Variants in SLC9A9 observed in about 807,000 individuals in gnomAD.
SLC9A9 encodes sodium/hydrogen exchanger 9.
A neutral mutation model predicts 77.8 loss-of-function variants in SLC9A9; 62 were observed. The ratio of observed to expected loss-of-function variants is 0.80; its 90% CI spans 0.65 to 0.98. The LOEUF is 0.98. Among genes scored for constraint, SLC9A9 ranks in the 50% least tolerant of loss-of-function variants. SLC9A9 has a pLI of 0.00. For missense variants in SLC9A9, 775 were observed against 774.9 expected (o/e 1.00, Z 0.00); for synonymous variants, 320 against 283.5 (o/e 1.13, Z -1.29).
At chr3:143,378,134 G>A (rs2033222783) in intron 13 of SLC9A9, among the ~76,000 whole-genome samples, 1 of 152,150 alleles carries the variant, frequency 6.6e-6, no homozygotes, top group African/African-American at 2.4e-5. Flanking sequence ...TGTATAGAAT[G>A]CAGTTTACCT....
At chr3:143,449,808 AT>A (rs2034949997) in intron 12 of SLC9A9, among the ~76,000 whole-genome samples, 1 of 49,856 alleles carries the variant, frequency 2.0e-5, no homozygotes, top group African/African-American at 1.2e-4. Context: ...TTTTATATAT[AT>A]AATTATATAT....
chr3:143,756,813 C>T (rs1170084247), intron 4 of SLC9A9, among the ~76,000 whole-genome samples: 1 of 152,184 alleles, frequency 6.6e-6, no homozygotes, highest in East Asian at 1.9e-4. Flanking sequence ...ACAATCCATT[C>T]TTTGGTTTAT....
intron 4 of SLC9A9, among the ~76,000 whole-genome samples, chr3:143,775,981 A>C (rs1019566705): frequency 6.6e-6 from 1 of 152,216 alleles, no homozygotes; most frequent in Non-Finnish European, 1.5e-5. Context: ...AAGCACTGGG[A>C]TAATTTTACC....
chr3:143,303,389 G>A (rs1166175636), intron 14 of SLC9A9, among the ~76,000 whole-genome samples: 5 of 149,720 alleles, frequency 3.3e-5, no homozygotes, highest in Non-Finnish European at 5.9e-5. Flanking sequence ...TTTTTTTTGA[G>A]GGAAGGAGGG....
chr3:143,389,758 G>T (rs985837904), intron 12 of SLC9A9, among the ~76,000 whole-genome samples: 1 of 152,202 alleles, frequency 6.6e-6, no homozygotes, highest in African/African-American at 2.4e-5. Flanking sequence ...GGGATAATGA[G>T]TTCTTCAAGG....
chr3:143,569,912 G>C (rs1240644543), intron 8 of SLC9A9, among the ~76,000 whole-genome samples: 3 of 149,796 alleles, frequency 2.0e-5, no homozygotes, highest in African/African-American at 7.4e-5. Context: ...CTGGGCTCAA[G>C]CAATCCTCCT....
At chr3:143,318,283 A>C (rs60761135) in intron 14 of SLC9A9, among the ~76,000 whole-genome samples, 3,005 of 152,344 alleles carry the variant, frequency 0.02, 111 homozygotes, top group African/African-American at 0.069. Flanking sequence ...AATGAGAAAT[A>C]AACAACTGAG....
chr3:143,418,905 C>T (rs6805667), intron 12 of SLC9A9, among the ~76,000 whole-genome samples: 9,600 of 152,156 alleles, frequency 0.063, 358 homozygotes, highest in African/African-American at 0.11. Context: ...CCACTGTGTA[C>T]TGAAGTCTGC....
At chr3:143,361,548 T>A (rs73144729) in intron 14 of SLC9A9, among the ~76,000 whole-genome samples, 17,624 of 152,262 alleles carry the variant, frequency 0.12, 1,189 homozygotes, top group South Asian at 0.17. Context: ...TGCTTGCTAC[T>A]CTCTAGGTAT....
chr3:143,504,148 C>A (rs2035972043), intron 9 of SLC9A9: 3 of 396,634 alleles, frequency 7.6e-6, no homozygotes, highest in Non-Finnish European at 1.5e-5. Flanking sequence ...GTAGGCCATG[C>A]AGTTGAGGAC....
chr3:143,822,898 T>C (rs925252848), intron 2 of SLC9A9, among the ~76,000 whole-genome samples: 2 of 152,180 alleles, frequency 1.3e-5, no homozygotes, highest in African/African-American at 4.8e-5. Context: ...TCTGCCTCCT[T>C]CCATCCCTAC....
chr3:143,265,821 C>T lies in SLC9A9; in HGVS notation c.*881G>A, dbSNP rs1325828162. 1.7e-6 allele frequency: 1 copy of T among 584,978 alleles called. No homozygotes were observed. Among genetic ancestry groups the T allele is most frequent in the Non-Finnish European group, 3.0e-6 (1 of 328,690 alleles). The allele number at this position is 584,978 out of a possible 1,614,324, so 36.2% of individuals were successfully genotyped here. A position where few individuals can be genotyped will look rare whatever the true frequency, so the allele number is the denominator to read the frequency against. The stretch of plus-strand genomic sequence containing the variant: ...TGGAATTGGAGGACAGGTTGGGGCT[C>T]CTGCACAGTCTGCTGCCAGGTAGAG... On this transcript the variant is annotated 3_prime_UTR_variant, in exon 16 of 16. Coordinates refer to ENST00000316549, the MANE Select transcript of SLC9A9 (RefSeq NM_173653.4).
intron 4 of SLC9A9, among the ~76,000 whole-genome samples, chr3:143,723,252 G>GA (rs202054422): frequency 7.9e-4 from 115 of 146,332 alleles, no homozygotes; most frequent in East Asian, 7.2e-3. Context: ...CCAATAAGCA[G>GA]AAAAAAAAAA....
At chr3:143,300,947 A>G (rs2030491911) in intron 14 of SLC9A9, among the ~76,000 whole-genome samples, 2 of 152,190 alleles carry the variant, frequency 1.3e-5, no homozygotes, top group Non-Finnish European at 2.9e-5. Flanking sequence ...TTAAACCTTT[A>G]TTTTAAAGGC....
At chr3:143,556,790 T>A (rs71307945) in intron 8 of SLC9A9, among the ~76,000 whole-genome samples, 1 of 152,210 alleles carries the variant, frequency 6.6e-6, no homozygotes, top group African/African-American at 2.4e-5. Context: ...TCTCTTGTGG[T>A]TATCTTCTCT....
chr3:143,812,359 C>T (rs1327891572), intron 2 of SLC9A9, among the ~76,000 whole-genome samples: 1 of 152,134 alleles, frequency 6.6e-6, no homozygotes, highest in East Asian at 1.9e-4. Context: ...ATGATTGGAC[C>T]ATGGACTAGT....
chr3:143,603,774 A>C (rs1294328667), intron 6 of SLC9A9, among the ~76,000 whole-genome samples: 1 of 152,246 alleles, frequency 6.6e-6, no homozygotes, highest in Non-Finnish European at 1.5e-5. Context: ...AGAAATGGAC[A>C]ACCGTTACTT....
At chr3:143,803,035 G>T (rs1186888850) in intron 2 of SLC9A9, among the ~76,000 whole-genome samples, 1 of 152,026 alleles carries the variant, frequency 6.6e-6, no homozygotes, top group Non-Finnish European at 1.5e-5. Flanking sequence ...ACCCTAGCTG[G>T]ACAATCAGTT....
At chr3:143,611,805 C>T (rs946275664) in intron 6 of SLC9A9, among the ~76,000 whole-genome samples, 3 of 152,136 alleles carry the variant, frequency 2.0e-5, no homozygotes, top group Middle Eastern at 3.2e-3. Flanking sequence ...CCGATCATGG[C>T]TCACTCCAGT....
Sources: allele counts gnomAD v4.1 joint callset (sites outside exome capture counted in the v4.1 genomes callset), GRCh38; gene constraint gnomAD v4.1.1; transcripts MANE v1.5; gene names NCBI Gene and HGNC (gene_info 2026-07-23, HGNC 2026-07-21).